Variants in PLCXD1 observed in about 807,000 individuals in gnomAD.
The protein encoded by PLCXD1 is PI-PLC X domain-containing protein 1.
A neutral mutation model predicts 37.8 loss-of-function variants in PLCXD1; 45 were observed. The ratio of observed to expected loss-of-function variants is 1.19; its 90% CI spans 0.94 to 1.53. The LOEUF (loss-of-function observed/expected upper bound fraction) is 1.53, where lower values mean the gene tolerates loss of function less well. Among genes scored for constraint, PLCXD1 ranks in the 40% most tolerant of loss-of-function variants. The probability of loss-of-function intolerance (pLI) is 0.00; values close to 1 mark genes in which losing one functional copy is unlikely to be tolerated. For synonymous variants in PLCXD1, 246 were observed against 206.9 expected (o/e 1.19, Z -1.62); for missense variants, 539 against 454.7 (o/e 1.19, Z -1.69).
rs1486551019 is a variant in PLCXD1, at chrX:288,786, G to A, written c.181G>A (p.Glu61Lys). 6 of 1,613,690 alleles carry A rather than the reference G, an allele frequency of 3.7e-6. No individual in the cohort carries two copies. Among genetic ancestry groups the A allele is most frequent in the Non-Finnish European group, 3.4e-6 (4 of 1,179,706 alleles). Residue 61 changes from glutamate to lysine, a missense_variant, in exon 3 of 7, where the codon GAG becomes AAG. Transcript: ENST00000381657. Reference sequence around the variant, plus strand: ...GAACAAGAAGTCCCCCATTTCGCACGAGGAGTCCCGGCTGCTGCAGCTGCT... The same window carrying A: ...GAACAAGAAGTCCCCCATTTCGCACAAGGAGTCCCGGCTGCTGCAGCTGCT... ...CLNKKSPISHEESRLLQLLNK... is the reference protein window; with the variant it reads ...CLNKKSPISHKESRLLQLLNK...
upstream of PLCXD1, among the ~76,000 whole-genome samples, chrX:278,398 C>T (rs2069196102): frequency 6.6e-6 from 1 of 152,092 alleles, no homozygotes; most frequent in African/African-American, 2.4e-5. Context: ...TTCCTCGAGT[C>T]TTCTGAACCA....
At chrX:276,546 C>A (rs185525943), upstream of PLCXD1, among the ~76,000 whole-genome samples, 1 of 152,094 alleles carries the variant, frequency 6.6e-6, no homozygotes, top group African/African-American at 2.4e-5. Context: ...GCTGGGGGCA[C>A]GGGCAGGGGG....
At chrX:279,676 A>C (rs1035870211), upstream of PLCXD1, among the ~76,000 whole-genome samples, 21 of 151,258 alleles carry the variant, frequency 1.4e-4, no homozygotes, top group African/African-American at 5.1e-4. Flanking sequence ...CTGGAGGCTG[A>C]GGCAGGCGAA....
At chrX:290,402 C>G (rs1326107728) in intron 3 of PLCXD1, among the ~76,000 whole-genome samples, 1 of 148,790 alleles carries the variant, frequency 6.7e-6, no homozygotes, top group Non-Finnish European at 1.5e-5. Context: ...TGCACTCCAG[C>G]CTGGGTGACA....
chrX:296,108 G>A (rs1469911771), intron 6 of PLCXD1, among the ~76,000 whole-genome samples: 3 of 150,884 alleles, frequency 2.0e-5, no homozygotes, highest in Non-Finnish European at 2.9e-5. Flanking sequence ...CACTGTGCCC[G>A]GCCTTTTTTT....
At chrX:284,424 A>G (rs2069379066) in intron 2 of PLCXD1, 110 bp downstream of exon 2, 1 of 1,237,194 alleles carries the variant, frequency 8.1e-7, no homozygotes, top group Admixed American at 2.0e-5. Context: ...TGTAGGAGCA[A>G]TCCTGGGTGT....
chrX:282,901 ATAT>A (rs1479661944), intron 1 of PLCXD1, among the ~76,000 whole-genome samples: 1 of 145,068 alleles, frequency 6.9e-6, no homozygotes, highest in African/African-American at 2.5e-5. Flanking sequence ...ATATATGTCT[ATAT>A]TATATATGTA....
At chrX:295,050 A>G (rs770229360) in intron 6 of PLCXD1, among the ~76,000 whole-genome samples, 1 of 150,962 alleles carries the variant, frequency 6.6e-6, no homozygotes, top group East Asian at 2.0e-4. Flanking sequence ...TGCACCTGTA[A>G]TCCCAGCTCC....
chrX:299,062 G>A (rs775766344), intron 6 of PLCXD1, 35 bp from the exon 7 acceptor site: 1 of 1,502,458 alleles, frequency 6.7e-7, no homozygotes, highest in Non-Finnish European at 9.3e-7. Flanking sequence ...TGAGGCCCGT[G>A]ACCGTGTAAC....
At chrX:295,800 G>A (rs2069787731) in intron 6 of PLCXD1, among the ~76,000 whole-genome samples, 1 of 151,384 alleles carries the variant, frequency 6.6e-6, no homozygotes, top group Non-Finnish European at 1.5e-5. Flanking sequence ...GTGCTGGGAT[G>A]ACAGGCGTGA....
At position 291,579 on chromosome X, in the gene PLCXD1, G is replaced by A. The variant is rs1029450370; in HGVS notation, c.474G>A (p.Gly158=). 4 of 1,613,042 alleles carry A rather than the reference G, an allele frequency of 2.5e-6. No homozygotes were observed. The African/African-American group carries it at 5.3e-5, about 22-fold the overall frequency. The change falls in exon 5 of 7, where the codon GGG becomes GGA. Residue 158 remains glycine, a synonymous_variant. Transcript: ENST00000381657. ...VVILACRNFE[G]LSEDLHEYLV... Reference sequence around the variant, plus strand: ...TCCTGGCCTGCAGAAACTTCGAGGGGCTGAGCGAGGACCTGCACGAGTACC... The same window carrying A: ...TCCTGGCCTGCAGAAACTTCGAGGGACTGAGCGAGGACCTGCACGAGTACC...
intron 6 of PLCXD1, among the ~76,000 whole-genome samples, chrX:294,533 G>A (rs939535421): frequency 1.3e-5 from 2 of 151,866 alleles, no homozygotes; most frequent in Non-Finnish European, 2.9e-5. Context: ...GGGAGGCTGA[G>A]GCAGGAGAAA....
Position 289,516 on chromosome X carries a change from C to CTTTT in PLCXD1, c.264+658_264+661dup, listed in dbSNP as rs759211019. ...AACACCTTTCTTTTTCTTTCTTTTT[C>CTTTT]TTTTTTTTTTTTTTGAGACGGAGTC... is the stretch of plus-strand genomic sequence containing the variant. On this transcript the variant is annotated intron_variant, in intron 3 of 6. Transcript: ENST00000381657. Among the ~76,000 whole-genome samples the CTTTT allele has an allele frequency of 4.8e-4, 65 of 135,272 alleles. 4 individuals are homozygous for CTTTT. Among genetic ancestry groups the CTTTT allele is most frequent in the African/African-American group, 1.5e-3 (54 of 36,018 alleles). 88.7% of individuals were successfully genotyped at this position (135,272 alleles called of 152,430 possible). A position where few individuals can be genotyped will look rare whatever the true frequency, so the allele number is the denominator to read the frequency against.
upstream of PLCXD1, among the ~76,000 whole-genome samples, chrX:276,989 G>A (rs1289901930): frequency 5.3e-5 from 8 of 152,172 alleles, no homozygotes; most frequent in African/African-American, 1.4e-4. Context: ...GTCTGGGCCC[G>A]TCCGTCATCT....
rs1795995034 is a variant in PLCXD1, at chrX:299,429, A to G, written c.*94A>G. 2 of 899,266 alleles carry G rather than the reference A, an allele frequency of 2.2e-6. No homozygotes were observed. Among genetic ancestry groups the G allele is most frequent in the South Asian group, 2.7e-5 (2 of 73,418 alleles). The allele number at this position is 899,266 out of a possible 1,614,324, so 55.7% of individuals were successfully genotyped here. A position where few individuals can be genotyped will look rare whatever the true frequency, so the allele number is the denominator to read the frequency against. On this transcript the variant is annotated 3_prime_UTR_variant, in exon 7 of 7. Transcript: ENST00000381657. ...TTGTTTGGGCCAAATGTTGGTGATCATAGGACCGATGATAATACGTTTTCA... is the reference window on the plus strand; with the variant it reads ...TTGTTTGGGCCAAATGTTGGTGATCGTAGGACCGATGATAATACGTTTTCA...
At chrX:285,133 C>CAA (rs752205474) in intron 2 of PLCXD1, among the ~76,000 whole-genome samples, 2,744 of 62,172 alleles carry the variant, frequency 0.044, 47 homozygotes, top group Non-Finnish European at 0.057. Context: ...TGCGCACACA[C>CAA]ATACATGCAT....
In PLCXD1 at chrX:297,077, C is replaced by A. The variant is rs28397922; in HGVS notation, c.734-2020C>A. 2.0e-4 allele frequency among the ~76,000 whole-genome samples: 7 copies of A among 34,594 alleles called. 1 individual carries two copies. Among genetic ancestry groups the A allele is most frequent in the African/African-American group, 5.7e-4 (2 of 3,492 alleles). 22.7% of individuals were successfully genotyped at this position (34,594 alleles called of 152,430 possible). A position where few individuals can be genotyped will look rare whatever the true frequency, so the allele number is the denominator to read the frequency against. On this transcript the variant is annotated intron_variant, in intron 6 of 6. Transcript: ENST00000381657. ...CATCTTTGGGGACATTATTCTGTCTCCCACATGGGGATCAGGACGTGGACA... is the reference window on the plus strand; with the variant it reads ...CATCTTTGGGGACATTATTCTGTCTACCACATGGGGATCAGGACGTGGACA...
chrX:299,065 C>G (rs369645497), intron 6 of PLCXD1, 32 bp from the exon 7 acceptor site: 28 of 1,518,338 alleles, frequency 1.8e-5, no homozygotes, highest in Non-Finnish European at 2.5e-5. Flanking sequence ...GGCCCGTGAC[C>G]GTGTAACCTC....
chrX:286,457 C>A (rs188349362), intron 2 of PLCXD1, among the ~76,000 whole-genome samples: 1 of 152,004 alleles, frequency 6.6e-6, no homozygotes, highest in Non-Finnish European at 1.5e-5. Context: ...CAGGACCAGC[C>A]GCAGACAAAA....
Sources: allele counts gnomAD v4.1 joint callset (sites outside exome capture counted in the v4.1 genomes callset), GRCh38; gene constraint gnomAD v4.1.1; transcripts MANE v1.5; gene names NCBI Gene and HGNC (gene_info 2026-07-23, HGNC 2026-07-21).